Variants in VAV2 observed in about 807,000 individuals in gnomAD.
VAV2 encodes guanine nucleotide exchange factor VAV2.
Under a neutral mutation model 132.5 loss-of-function variants are expected in VAV2, and 67 were observed. The observed-to-expected ratio is 0.51, with a 90% CI of 0.42 to 0.62. VAV2 has a LOEUF of 0.62. Ranked by LOEUF, VAV2 falls within the 20% of genes least tolerant of loss-of-function variation. The pLI is 0.00. For synonymous variants in VAV2, 492 were observed against 443.5 expected (o/e 1.11, Z -1.37); for missense variants, 938 against 1,153.6 (o/e 0.81, Z 2.71).
chr9:133,901,799 C>G (rs2132014295), intron 2 of VAV2, among the ~76,000 whole-genome samples: 1 of 152,360 alleles, frequency 6.6e-6, no homozygotes, highest in African/African-American at 2.4e-5. Context: ...CTCTGGAACC[C>G]CAGCGCCCAC....
At chr9:133,861,023 C>T (rs55800841) in intron 3 of VAV2, among the ~76,000 whole-genome samples, 124 of 152,330 alleles carry the variant, frequency 8.1e-4, no homozygotes, top group Admixed American at 2.4e-3. Context: ...GCAAACAGAC[C>T]CCAGCTACCT....
intron 2 of VAV2, chr9:133,927,710 TA>T (rs1342420006): frequency 6.6e-6 from 1 of 152,338 alleles, no homozygotes; most frequent in Non-Finnish European, 1.5e-5. Flanking sequence ...CAGCCTTCTA[TA>T]AAAAGCCAAC....
chr9:133,896,745 G>A (rs897002236), intron 2 of VAV2, among the ~76,000 whole-genome samples: 1 of 152,092 alleles, frequency 6.6e-6, no homozygotes, highest in Non-Finnish European at 1.5e-5. Flanking sequence ...AAGAAAAGTT[G>A]ATATTAATAT....
rs1036129190 is a variant in VAV2, at chr9:133,991,423, C to T, written c.204+652G>A. On this transcript the variant is annotated intron_variant, in intron 1 of 29. Coordinates refer to ENST00000371850, the MANE Select transcript of VAV2 (RefSeq NM_001134398.2). This position sits in a 1 kb window ranked among gnomAD's most constrained non-coding sequence, Gnocchi z 4.8. ...AGGAGGGGTGGGGGTGTTGGGAAAG[C>T]GATGGGGGCCAGGACTGGGGCCAAG... Among the ~76,000 whole-genome samples, 2 of 152,186 alleles carry T rather than the reference C, an allele frequency of 1.3e-5. No homozygotes were observed. Among genetic ancestry groups the T allele is most frequent in the East Asian group, 3.8e-4 (2 of 5,196 alleles).
intron 26 of VAV2, among the ~76,000 whole-genome samples, chr9:133,771,718 C>A (rs1193456236): frequency 6.6e-6 from 1 of 152,166 alleles, no homozygotes; most frequent in East Asian, 1.9e-4. Flanking sequence ...CCCTACCCCA[C>A]CCCTGCACTG....
intron 1 of VAV2, among the ~76,000 whole-genome samples, chr9:133,977,953 T>G (rs896360591): frequency 1.1e-4 from 11 of 103,602 alleles, no homozygotes; most frequent in Non-Finnish European, 1.1e-4. Context: ...GCCCCCTGCC[T>G]CTGGAGATGT....
chr9:133,770,443 G>A lies in VAV2; in HGVS notation c.2282C>T (p.Thr761Ile). ...GGACTTGTAGGGGTACTTGAGTGTG[G>A]TGTCCAGCTGCTTGAAGCTCTCCTT... ...SLKESFKQLD[T>I]TLKYPYKSRE... is the part of the protein sequence containing the mutation. Residue 761 changes from threonine to isoleucine, a missense_variant, in exon 27 of 30, where the codon ACC becomes ATC. Transcript: ENST00000371850. 1 of 1,614,144 alleles carries A rather than the reference G, an allele frequency of 6.2e-7. No homozygotes were observed. Among genetic ancestry groups the A allele is most frequent in the Admixed American group, 1.7e-5 (1 of 60,028 alleles).
At position 133,928,865 on chromosome 9, in the gene VAV2, G is replaced by A. The variant is rs964123522; in HGVS notation, c.321+10238C>T. 2.6e-5 allele frequency among the ~76,000 whole-genome samples: 4 copies of A among 152,252 alleles called. No homozygotes were observed. The highest frequency in any genetic ancestry group is 5.9e-5 in the Non-Finnish European group (4 of 68,016). ...GGGTGTGGGGCAGGATACACTGGCC[G>A]GGTGAGGCTGGCACTCCAGGCCACT... On this transcript the variant is annotated intron_variant, in intron 2 of 29. Transcript: ENST00000371850. The surrounding 1 kb of genome is among the most constrained non-coding windows in gnomAD (Gnocchi z 5.4).
chr9:133,778,921 T>A, intron 21 of VAV2, 32 bp from the exon 22 acceptor site: 1 of 1,604,620 alleles, frequency 6.2e-7, no homozygotes, highest in Non-Finnish European at 8.5e-7. Flanking sequence ...ACTCAGTGAC[T>A]CAGCAGCTCA....
At position 133,917,504 on chromosome 9, in the gene VAV2, C is replaced by T. The variant is rs1392822101; in HGVS notation, c.321+21599G>A. On this transcript the variant is annotated intron_variant, in intron 2 of 29. Coordinates refer to ENST00000371850, the MANE Select transcript of VAV2 (RefSeq NM_001134398.2). ...TATCGTTTCTAGTAAGTCACAAAGA[C>T]GCATAACCTCCAAAGGGAAAACTTA... Among the ~76,000 whole-genome samples the T allele has an allele frequency of 4.3e-5, 6 of 141,140 alleles. No homozygotes were observed. The South Asian group carries it at 8.6e-4, about 20-fold the overall frequency. The allele number at this position is 141,140 out of a possible 152,430, so 92.6% of individuals were successfully genotyped here.
rs1836654728 is a variant in VAV2, at chr9:133,840,011, A to G, written c.381-5671T>C. 6.6e-6 allele frequency among the ~76,000 whole-genome samples: 1 copy of G among 150,700 alleles called. No homozygotes were observed. The highest frequency in any genetic ancestry group is 2.4e-5 in the African/African-American group (1 of 40,974). On this transcript the variant is annotated intron_variant, in intron 3 of 29. Coordinates refer to ENST00000371850, the MANE Select transcript of VAV2 (RefSeq NM_001134398.2). This position sits in a 1 kb window ranked among gnomAD's most constrained non-coding sequence, Gnocchi z 4.5. ...ACTCCCCGCCCCCGAGGCCATCTTC[A>G]GGCACCAGCTGATTTTCCTTCCCGC...
chr9:133,900,771 A>C (rs1839408439), intron 2 of VAV2, among the ~76,000 whole-genome samples: 1 of 20,286 alleles, frequency 4.9e-5, no homozygotes, highest in South Asian at 1.6e-3. Context: ...GTCTTGATTT[A>C]TTTATTTATT....
intron 1 of VAV2, among the ~76,000 whole-genome samples, chr9:133,955,414 TCCC>T (rs1841723681): frequency 3.0e-4 from 5 of 16,824 alleles, no homozygotes; most frequent in East Asian, 1.7e-3. Flanking sequence ...CCCACACTCC[TCCC>T]CACCCCCCTG....
chr9:133,782,200 G>A (rs1047382428), intron 19 of VAV2, among the ~76,000 whole-genome samples: 2 of 152,092 alleles, frequency 1.3e-5, no homozygotes, highest in Non-Finnish European at 2.9e-5. Flanking sequence ...GTAAGTTCAC[G>A]GGTGATACTT....
chr9:133,773,338 C>T (rs1262369080), intron 25 of VAV2, among the ~76,000 whole-genome samples: 1 of 152,150 alleles, frequency 6.6e-6, no homozygotes, highest in Non-Finnish European at 1.5e-5. Flanking sequence ...GTATGGGGTG[C>T]TTATCATGAC....
intron 2 of VAV2, among the ~76,000 whole-genome samples, chr9:133,886,275 C>G (rs1033907342): frequency 9.2e-5 from 14 of 152,198 alleles, no homozygotes; most frequent in Non-Finnish European, 1.8e-4. Context: ...CTGATGCTTG[C>G]CTCGGCCCAG....
intron 2 of VAV2, among the ~76,000 whole-genome samples, chr9:133,886,476 G>A (rs759228967): frequency 2.6e-5 from 4 of 152,192 alleles, no homozygotes; most frequent in African/African-American, 4.8e-5. Context: ...CCAGGGTCCA[G>A]CTCTAACCTC....
At chr9:133,943,375 T>C (rs926987275) in intron 1 of VAV2, among the ~76,000 whole-genome samples, 1 of 152,160 alleles carries the variant, frequency 6.6e-6, no homozygotes, top group African/African-American at 2.4e-5. Context: ...GAGGCCCAGA[T>C]GGTGGTCAGC....
Position 133,928,822 on chromosome 9 carries a change from G to A in VAV2, c.321+10281C>T, listed in dbSNP as rs1490397842. On this transcript the variant is annotated intron_variant, in intron 2 of 29. Transcript: ENST00000371850. This position sits in a 1 kb window ranked among gnomAD's most constrained non-coding sequence, Gnocchi z 5.4. ...TGGATACACTTGTCCAGCCCCAGAC[G>A]CAGGGCAGGTGGATGGTGGGTGTGG... 6.6e-6 allele frequency among the ~76,000 whole-genome samples: 1 copy of A among 152,170 alleles called. No homozygotes were observed. The highest frequency in any genetic ancestry group is 2.4e-5 in the African/African-American group (1 of 41,440).
Sources: gnomAD v4.1 joint callset for allele counts (sites outside exome capture counted in the v4.1 genomes callset) on GRCh38, gnomAD v4.1.1 for gene constraint, Gnocchi (gnomAD v3.1) non-coding constraint, MANE v1.5 for transcripts, NCBI Gene and HGNC (gene_info 2026-07-23, HGNC 2026-07-21) for gene names.